CAMTA1: variants seen among roughly 807,000 people sequenced by gnomAD.
CAMTA1 encodes the protein calmodulin-binding transcription activator 1.
CAMTA1 carries 27 observed loss-of-function variants against 170.9 expected under a neutral mutation model. That is an observed-to-expected ratio of 0.16 (90% CI 0.12 to 0.22). CAMTA1 has a LOEUF of 0.22. Ranked by LOEUF, CAMTA1 falls within the 10% of genes least tolerant of loss-of-function variation. The pLI is 1.00. For synonymous variants in CAMTA1, 833 were observed against 891.5 expected (o/e 0.93, Z 1.17); for missense variants, 1,619 against 2,217.2 (o/e 0.73, Z 5.42).
chr1:7,629,718 T>TGGAG (rs2095656233), intron 6 of CAMTA1, among the ~76,000 whole-genome samples: 1 of 152,128 alleles, frequency 6.6e-6, no homozygotes, highest in East Asian at 1.9e-4. Context: ...ACCCCTGCAC[T>TGGAG]CCCTAGTTCA....
At chr1:7,612,327 C>A (rs761855052) in intron 6 of CAMTA1, among the ~76,000 whole-genome samples, 1 of 152,128 alleles carries the variant, frequency 6.6e-6, no homozygotes, top group African/African-American at 2.4e-5. Context: ...TGAAGCTGAT[C>A]TCCTCTCCAA....
chr1:7,626,604 A>T (rs2095635297), intron 6 of CAMTA1, among the ~76,000 whole-genome samples: 1 of 152,152 alleles, frequency 6.6e-6, no homozygotes, highest in South Asian at 2.1e-4. Flanking sequence ...AAAGCGAGGG[A>T]GGTGTAATCA....
intron 6 of CAMTA1, among the ~76,000 whole-genome samples, chr1:7,508,489 G>A (rs2094153501): frequency 1.3e-5 from 2 of 152,214 alleles, no homozygotes; most frequent in African/African-American, 2.4e-5. Flanking sequence ...TAAAGTGGGC[G>A]GGAAATGCTG....
In CAMTA1 at chr1:6,785,454, G is replaced by C; in HGVS notation, c.-77G>C. The C allele has an allele frequency of 2.1e-6, 2 of 974,716 alleles. No individual in the cohort carries two copies. Among genetic ancestry groups the C allele is most frequent in the Non-Finnish European group, 2.5e-6 (2 of 807,954 alleles). 60.4% of individuals were successfully genotyped at this position (974,716 alleles called of 1,614,324 possible). ...GGCGGGGCCAGGGCGGGTGCGCGGCGGCGGCGGGGTGGCTGGGCCGGCGGC... is the reference window on the plus strand; with the variant it reads ...GGCGGGGCCAGGGCGGGTGCGCGGCCGCGGCGGGGTGGCTGGGCCGGCGGC... On this transcript the variant is annotated 5_prime_UTR_variant, in exon 1 of 23. Transcript: ENST00000303635.
intron 4 of CAMTA1, chr1:7,142,006 A>T: frequency 2.1e-6 from 1 of 468,776 alleles, no homozygotes. Flanking sequence ...TTTTTTCCTG[A>T]TGTCTTGGCT....
intron 3 of CAMTA1, among the ~76,000 whole-genome samples, chr1:6,859,881 A>G (rs1325100378): frequency 1.3e-5 from 2 of 152,138 alleles, no homozygotes; most frequent in Non-Finnish European, 2.9e-5. Context: ...ACCCTTACCA[A>G]TGGTAAGTGT....
chr1:7,343,014 C>T (rs1291993161), intron 5 of CAMTA1, among the ~76,000 whole-genome samples: 2 of 152,238 alleles, frequency 1.3e-5, no homozygotes, highest in African/African-American at 4.8e-5. Flanking sequence ...CGCCAGCCCT[C>T]TCTCCTTTTC....
intron 5 of CAMTA1, among the ~76,000 whole-genome samples, chr1:7,409,483 C>G (rs767232187): frequency 6.6e-6 from 1 of 152,218 alleles, no homozygotes; most frequent in Non-Finnish European, 1.5e-5. Flanking sequence ...GACCCACGCC[C>G]CGCCCTTGAG....
intron 3 of CAMTA1, among the ~76,000 whole-genome samples, chr1:6,883,420 C>T (rs1002430482): frequency 2.6e-5 from 4 of 152,080 alleles, no homozygotes; most frequent in African/African-American, 4.8e-5. Flanking sequence ...ATTCTGCTTT[C>T]GGCAGCCTAA....
At chr1:7,607,967 A>G (rs895335339) in intron 6 of CAMTA1, among the ~76,000 whole-genome samples, 1 of 152,186 alleles carries the variant, frequency 6.6e-6, no homozygotes, top group Non-Finnish European at 1.5e-5. Context: ...TGTCAGGTGT[A>G]GTAGAAGGTG....
chr1:7,126,969 C>G (rs1027057437), intron 4 of CAMTA1, among the ~76,000 whole-genome samples: 12 of 152,120 alleles, frequency 7.9e-5, no homozygotes, highest in African/African-American at 2.9e-4. Context: ...TGGGGTTTCA[C>G]TGTGTTAGCC....
chr1:7,533,770 G>A (rs1326812377), intron 6 of CAMTA1, among the ~76,000 whole-genome samples: 5 of 151,982 alleles, frequency 3.3e-5, no homozygotes, highest in South Asian at 2.1e-4. Flanking sequence ...AAAATTAGCC[G>A]GGCATGGTGG....
At chr1:7,506,306 G>C (rs1163258392) in intron 6 of CAMTA1, among the ~76,000 whole-genome samples, 1 of 152,192 alleles carries the variant, frequency 6.6e-6, no homozygotes, top group Non-Finnish European at 1.5e-5. Context: ...GAGGAGGGAA[G>C]TGAGCCCAGC....
rs112496779 is a variant in CAMTA1 at position 7,625,075 on chromosome 1, A to G, written c.511-15325A>G. Reference sequence around the variant, plus strand: ...GCATGGGAGGTGGATCCAGCCGATCATGGAGGCCATTGGGATCAGGAGTGG... The same window carrying G: ...GCATGGGAGGTGGATCCAGCCGATCGTGGAGGCCATTGGGATCAGGAGTGG... On this transcript the variant is annotated intron_variant, in intron 6 of 22. Coordinates refer to ENST00000303635, the MANE Select transcript of CAMTA1 (RefSeq NM_015215.4). Among the ~76,000 whole-genome samples, 202 of 152,334 alleles carry G rather than the reference A, an allele frequency of 1.3e-3. 2 individuals are homozygous for G. Among genetic ancestry groups the G allele is most frequent in the African/African-American group, 4.7e-3 (196 of 41,594 alleles).
chr1:7,193,572 G>A (rs1654951883), intron 4 of CAMTA1, among the ~76,000 whole-genome samples: 1 of 152,056 alleles, frequency 6.6e-6, no homozygotes, highest in Admixed American at 6.5e-5. Context: ...GGATGGGATA[G>A]TGGAAGAAAG....
chr1:7,542,998 G>A (rs1168698619), intron 6 of CAMTA1, among the ~76,000 whole-genome samples: 1 of 152,096 alleles, frequency 6.6e-6, no homozygotes, highest in Non-Finnish European at 1.5e-5. Context: ...CCGAGTAGCT[G>A]GGACTACAGG....
chr1:6,999,924 C>T (rs1021179637), intron 3 of CAMTA1, among the ~76,000 whole-genome samples: 2 of 152,204 alleles, frequency 1.3e-5, no homozygotes, highest in African/African-American at 4.8e-5. Context: ...GCCAACCTGA[C>T]CCTGACAGGT....
chr1:7,013,978 G>A lies in CAMTA1; in HGVS notation c.235-77326G>A, dbSNP rs537513798. ...TGGACCTGCTGCCAGAGGCAAGGCC[G>A]TGATCTTGGAACATGGAAGCCCAGC... On this transcript the variant is annotated intron_variant, in intron 3 of 22. Coordinates refer to ENST00000303635, the MANE Select transcript of CAMTA1 (RefSeq NM_015215.4). Among the ~76,000 whole-genome samples, 26 of 152,380 alleles carry A rather than the reference G, an allele frequency of 1.7e-4. No individual in the cohort carries two copies. The South Asian group carries it at 4.6e-3, about 27-fold the overall frequency.
chr1:7,378,540 C>T (rs760934893), intron 5 of CAMTA1, among the ~76,000 whole-genome samples: 1 of 152,048 alleles, frequency 6.6e-6, no homozygotes, highest in Non-Finnish European at 1.5e-5. Flanking sequence ...TTTATGTGAA[C>T]GTCCAGGCAA....
Sources: allele counts gnomAD v4.1 joint callset (sites outside exome capture counted in the v4.1 genomes callset), GRCh38; gene constraint gnomAD v4.1.1; transcripts MANE v1.5; gene names NCBI Gene and HGNC (gene_info 2026-07-23, HGNC 2026-07-21).